CDH4: variants seen among roughly 807,000 people sequenced by gnomAD.
The protein encoded by CDH4 is cadherin 4.
In CDH4, 33 loss-of-function variants were observed where a neutral mutation model predicts 86.0. That is an observed-to-expected ratio of 0.38 (90% CI 0.29 to 0.51). CDH4 has a LOEUF of 0.51. Among genes scored for constraint, CDH4 ranks in the 20% least tolerant of loss-of-function variants. The pLI, the probability that CDH4 is intolerant of heterozygous loss-of-function variation, is 0.86. For missense variants in CDH4, 1,114 were observed against 1,307.4 expected, an observed-to-expected ratio of 0.85 and a Z score of 2.28; for synonymous variants, 555 against 549.4, an observed-to-expected ratio of 1.01 and a Z score of -0.14.
intron 2 of CDH4, among the ~76,000 whole-genome samples, chr20:61,471,757 C>T (rs554722454): frequency 9.2e-5 from 14 of 152,102 alleles, no homozygotes; most frequent in Admixed American, 7.9e-4. Flanking sequence ...TTAATTTCTT[C>T]ATTGCCCACT....
At chr20:61,617,671 C>T (rs1462806402) in intron 2 of CDH4, among the ~76,000 whole-genome samples, 2 of 152,236 alleles carry the variant, frequency 1.3e-5, no homozygotes, top group African/African-American at 4.8e-5. Context: ...CATGAACGCC[C>T]TGAGCACAAT....
chr20:61,565,221 T>TAGTGGTAGTGGTCCTCTTGGTGATGGGG (rs2086268368), intron 2 of CDH4, among the ~76,000 whole-genome samples: 1 of 40,546 alleles, frequency 2.5e-5, no homozygotes, highest in Non-Finnish European at 4.9e-5. Flanking sequence ...CTCTCGGTGG[T>TAGTGGTAGTGGTCCTCTTGGTGATGGGG]AGGTGGTGGT....
intron 2 of CDH4, among the ~76,000 whole-genome samples, chr20:61,430,655 G>A (rs77009098): frequency 0.029 from 4,340 of 152,262 alleles, 97 homozygotes; most frequent in Non-Finnish European, 0.044. Flanking sequence ...CAGCCTCGCC[G>A]GTGACAGATC....
chr20:61,253,232 G>A (rs1211761106), intron 1 of CDH4, among the ~76,000 whole-genome samples: 9 of 151,174 alleles, frequency 6.0e-5, no homozygotes, highest in East Asian at 1.9e-4. Flanking sequence ...GAGCTGGGCC[G>A]GGCTTGGGCC....
intron 4 of CDH4, among the ~76,000 whole-genome samples, chr20:61,824,237 A>G (rs773653182): frequency 3.3e-5 from 5 of 152,092 alleles, no homozygotes; most frequent in Admixed American, 6.5e-5. Context: ...CACTGTCCTT[A>G]GAAGCCATCC....
intron 2 of CDH4, among the ~76,000 whole-genome samples, chr20:61,565,229 GGTGGTGGTGGTGGCGGTGCTC>G: frequency 1.7e-5 from 1 of 58,556 alleles, no homozygotes; most frequent in East Asian, 3.7e-4. Flanking sequence ...GGTAGGTGGT[GGTGGTGGTGGTGGCGGTGCTC>G]TTGGTGATGG....
At chr20:61,788,076 T>C (rs11908277) in intron 4 of CDH4, among the ~76,000 whole-genome samples, 8,264 of 151,932 alleles carry the variant, frequency 0.054, 711 homozygotes, top group African/African-American at 0.19. Flanking sequence ...AGAGCAGGAG[T>C]AAAGGCAGTA....
rs1285735576 is a variant in CDH4 at position 61,785,923 on chromosome 20, C to G, written c.576+12741C>G. ...GGTAGGTTTCTTTCCTCCAAAGGAA[C>G]CTTCAGACTGAAAGTCTCTGGGAAG... On this transcript the variant is annotated intron_variant, in intron 4 of 15. Transcript: ENST00000614565. Among the ~76,000 whole-genome samples, 3 of 152,200 alleles carry G rather than the reference C, an allele frequency of 2.0e-5. No homozygotes were observed. The South Asian group carries it at 6.2e-4, about 32-fold the overall frequency.
In CDH4 at chr20:61,877,139, C is replaced by T. The variant is rs182186369; in HGVS notation, c.1050+3239C>T. 5.0e-3 allele frequency among the ~76,000 whole-genome samples: 766 copies of T among 152,276 alleles called. 7 individuals are homozygous for T. The highest frequency in any genetic ancestry group is 5.3e-3 in the Non-Finnish European group (361 of 67,994). The stretch of plus-strand genomic sequence containing the variant: ...GGCATGTCAAGGCCCGTGATAGGGA[C>T]AGTGCCCAGCCTCCTGGGCTCAGCT... On this transcript the variant is annotated intron_variant, in intron 7 of 15. Transcript: ENST00000614565.
chr20:61,787,336 A>G (rs1337462632), intron 4 of CDH4, among the ~76,000 whole-genome samples: 1 of 152,214 alleles, frequency 6.6e-6, no homozygotes, highest in Non-Finnish European at 1.5e-5. Flanking sequence ...ATCATGGTGG[A>G]AGGGGAAGCA....
intron 4 of CDH4, among the ~76,000 whole-genome samples, chr20:61,839,517 T>C (rs1982044565): frequency 8.5e-6 from 1 of 117,092 alleles, no homozygotes; most frequent in Non-Finnish European, 2.2e-5. Context: ...GTGTGTGTTG[T>C]GTGTATGTGT....
intron 3 of CDH4, among the ~76,000 whole-genome samples, chr20:61,769,817 A>G (rs2088752990): frequency 6.6e-6 from 1 of 152,340 alleles, no homozygotes; most frequent in South Asian, 2.1e-4. Context: ...ATTTCAAGCC[A>G]CTTTGAGCAG....
intron 7 of CDH4, among the ~76,000 whole-genome samples, chr20:61,889,567 TG>T (rs1568869013): frequency 1.5e-5 from 2 of 133,966 alleles, no homozygotes; most frequent in Non-Finnish European, 3.2e-5. Flanking sequence ...GATGGGTAGA[TG>T]GATCGATGAT....
At chr20:61,757,853 C>T (rs1477123894) in intron 3 of CDH4, among the ~76,000 whole-genome samples, 1 of 152,222 alleles carries the variant, frequency 6.6e-6, no homozygotes, top group Non-Finnish European at 1.5e-5. Context: ...GGCCACAGGA[C>T]TGGACCTGAG....
chr20:61,512,206 C>G (rs760548870), intron 2 of CDH4, among the ~76,000 whole-genome samples: 8 of 152,092 alleles, frequency 5.3e-5, no homozygotes, highest in Non-Finnish European at 1.0e-4. Flanking sequence ...CCTGAACGCT[C>G]TCTAATCAAG....
chr20:61,345,940 G>C (rs1482836382), intron 2 of CDH4, among the ~76,000 whole-genome samples: 2 of 152,176 alleles, frequency 1.3e-5, no homozygotes. Flanking sequence ...CACCTGCTGT[G>C]GACCTGGTAT....
intron 2 of CDH4, among the ~76,000 whole-genome samples, chr20:61,447,855 A>C (rs2085360816): frequency 2.0e-5 from 3 of 152,078 alleles, no homozygotes; most frequent in Non-Finnish European, 2.9e-5. Context: ...TTCATTCCAT[A>C]ACCCTCTTTT....
chr20:61,295,571 ACT>A (rs755385460), intron 2 of CDH4, among the ~76,000 whole-genome samples: 1 of 151,482 alleles, frequency 6.6e-6, no homozygotes, highest in Non-Finnish European at 1.5e-5. Context: ...GTATCGAATA[ACT>A]CCAGGAAGTT....
At chr20:61,274,958 G>A (rs796326373) in intron 2 of CDH4, among the ~76,000 whole-genome samples, 1 of 147,016 alleles carries the variant, frequency 6.8e-6, no homozygotes, top group Non-Finnish European at 1.5e-5. Flanking sequence ...GTGCAGTTTG[G>A]GGTAGTACCA....
Sources: allele counts gnomAD v4.1 joint callset (sites outside exome capture counted in the v4.1 genomes callset), GRCh38; gene constraint gnomAD v4.1.1; transcripts MANE v1.5; gene names NCBI Gene and HGNC (gene_info 2026-07-23, HGNC 2026-07-21).